Variants in SLC9A9 observed in about 807,000 individuals in gnomAD.
SLC9A9 encodes sodium/hydrogen exchanger 9.
A neutral mutation model predicts 77.8 loss-of-function variants in SLC9A9; 62 were observed. That is an observed-to-expected ratio of 0.80 (90% CI 0.65 to 0.98). SLC9A9 has a LOEUF of 0.98. Ranked by LOEUF, SLC9A9 falls within the 50% of genes least tolerant of loss-of-function variation. The pLI, the probability that SLC9A9 is intolerant of heterozygous loss-of-function variation, is 0.00. For synonymous variants in SLC9A9, 320 were observed against 283.5 expected (o/e 1.13, Z -1.29); for missense variants, 775 against 774.9 (o/e 1.00, Z 0.00).
intron 14 of SLC9A9, among the ~76,000 whole-genome samples, chr3:143,334,464 G>C (rs2031865105): frequency 6.6e-6 from 1 of 152,200 alleles, no homozygotes; most frequent in South Asian, 2.1e-4. Context: ...ATCTCATAAT[G>C]AATAGGAGTG....
At chr3:143,730,322 A>T (rs1350965845) in intron 4 of SLC9A9, among the ~76,000 whole-genome samples, 1 of 152,192 alleles carries the variant, frequency 6.6e-6, no homozygotes, top group Non-Finnish European at 1.5e-5. Context: ...ACAGGATCTA[A>T]ACAAAGTTAA....
At position 143,288,643 on chromosome 3, in the gene SLC9A9, C is replaced by T. The variant is rs562290225; in HGVS notation, c.1605-19663G>A. ...TATAGAGAGCAGATGCCTCCTCCTA[C>T]AGCACCATCTACCAAGCAGAGCCCT... On this transcript the variant is annotated intron_variant, in intron 14 of 15. Coordinates refer to ENST00000316549, the MANE Select transcript of SLC9A9 (RefSeq NM_173653.4). 3.3e-5 allele frequency among the ~76,000 whole-genome samples: 5 copies of T among 152,286 alleles called. No individual in the cohort carries two copies. In the South Asian group the frequency reaches 1.0e-3, roughly 32 times the overall value.
Position 143,268,898 on chromosome 3 carries a change from G to A in SLC9A9, c.1687C>T (p.Leu563Phe), listed in dbSNP as rs1371327768. ...ACCCCATAGGCTTGAGGACTGGTAA[G>A]CAGCCTGGAAATCGGACCACACCAT... ...PEWCGPISRL[L>F]TSPQAYGEQL... The change falls in exon 15 of 16, where the codon CTT becomes TTT. Residue 563 changes from leucine (L) to phenylalanine (F), a missense_variant. By Grantham distance (22) the Leu-to-Phe change is conservative (BLOSUM62 0). Transcript: ENST00000316549. 6.2e-7 allele frequency: 1 copy of A among 1,613,820 alleles called. No individual in the cohort carries two copies. The highest frequency in any genetic ancestry group is 1.1e-5 in the South Asian group (1 of 91,076).
At chr3:143,317,476 T>C (rs1348297174) in intron 14 of SLC9A9, among the ~76,000 whole-genome samples, 3 of 152,176 alleles carry the variant, frequency 2.0e-5, no homozygotes, top group Non-Finnish European at 2.9e-5. Flanking sequence ...TCCTCCTGAT[T>C]CCCACAGCAG....
chr3:143,359,368 G>C (rs1240244406), intron 14 of SLC9A9, among the ~76,000 whole-genome samples: 2 of 152,132 alleles, frequency 1.3e-5, no homozygotes, highest in African/African-American at 2.4e-5. Context: ...TCTGTGTCGG[G>C]TGGTGGTTAA....
intron 4 of SLC9A9, among the ~76,000 whole-genome samples, chr3:143,741,477 C>A (rs1485584366): frequency 6.6e-6 from 1 of 152,140 alleles, no homozygotes; most frequent in East Asian, 1.9e-4. Context: ...TGGTAAGAGA[C>A]AAATCTCTTT....
At chr3:143,581,440 A>G (rs149276939) in intron 6 of SLC9A9, among the ~76,000 whole-genome samples, 96 of 152,176 alleles carry the variant, frequency 6.3e-4, no homozygotes, top group African/African-American at 2.2e-3. Context: ...TAAGCAAGGC[A>G]TGTTTTGTTC....
intron 14 of SLC9A9, among the ~76,000 whole-genome samples, chr3:143,322,199 G>C (rs116070032): frequency 6.6e-6 from 1 of 152,140 alleles, no homozygotes; most frequent in Non-Finnish European, 1.5e-5. Context: ...TTTTCCGGGC[G>C]TGTCTGTGAG....
chr3:143,323,990 C>A (rs2031500087), intron 14 of SLC9A9, among the ~76,000 whole-genome samples: 1 of 151,808 alleles, frequency 6.6e-6, no homozygotes, highest in African/African-American at 2.4e-5. Flanking sequence ...TACTTTGTCC[C>A]AATGTATACA....
chr3:143,472,755 A>G (rs2035399665), intron 11 of SLC9A9, among the ~76,000 whole-genome samples: 1 of 152,276 alleles, frequency 6.6e-6, no homozygotes, highest in African/African-American at 2.4e-5. Flanking sequence ...TGATTCTTCA[A>G]TAATGTCTGG....
At chr3:143,751,894 A>G (rs918112866) in intron 4 of SLC9A9, among the ~76,000 whole-genome samples, 1 of 152,170 alleles carries the variant, frequency 6.6e-6, no homozygotes, top group African/African-American at 2.4e-5. Flanking sequence ...CACTGCGTTG[A>G]GTGGAGTGTG....
At chr3:143,499,307 T>C (rs1197371750) in intron 9 of SLC9A9, among the ~76,000 whole-genome samples, 1 of 152,214 alleles carries the variant, frequency 6.6e-6, no homozygotes, top group East Asian at 1.9e-4. Context: ...CATATATCCT[T>C]ATAATTATTT....
chr3:143,339,487 A>G (rs189910002), intron 14 of SLC9A9, among the ~76,000 whole-genome samples: 1 of 151,004 alleles, frequency 6.6e-6, no homozygotes. Context: ...TATGCAGTAG[A>G]TAGCATTCCT....
chr3:143,846,731 GT>G (rs5853133), intron 1 of SLC9A9, among the ~76,000 whole-genome samples: 10,249 of 145,966 alleles, frequency 0.07, 922 homozygotes, highest in African/African-American at 0.22. Flanking sequence ...GCAAAAAAAG[GT>G]TTTTTTTTTT....
chr3:143,487,193 G>T (rs1007120954), intron 11 of SLC9A9, among the ~76,000 whole-genome samples: 1 of 143,456 alleles, frequency 7.0e-6, no homozygotes, highest in Non-Finnish European at 1.6e-5. Context: ...ATTAATAAAA[G>T]TTCCAGTACT....
At chr3:143,417,454 G>T (rs898808492) in intron 12 of SLC9A9, among the ~76,000 whole-genome samples, 1 of 150,692 alleles carries the variant, frequency 6.6e-6, no homozygotes, top group Non-Finnish European at 1.5e-5. Flanking sequence ...TAAGAGAGAG[G>T]GAGGGGAAGA....
At chr3:143,753,282 T>C (rs1279424266) in intron 4 of SLC9A9, among the ~76,000 whole-genome samples, 1 of 152,194 alleles carries the variant, frequency 6.6e-6, no homozygotes, top group Non-Finnish European at 1.5e-5. Context: ...AAAGTGTCGA[T>C]GTATCACTTT....
chr3:143,634,270 A>T (rs998768133), intron 6 of SLC9A9, among the ~76,000 whole-genome samples: 1 of 152,100 alleles, frequency 6.6e-6, no homozygotes, highest in African/African-American at 2.4e-5. Flanking sequence ...TTTCGGGAGA[A>T]TATTGTTTTA....
intron 12 of SLC9A9, among the ~76,000 whole-genome samples, chr3:143,409,267 T>C (rs911304667): frequency 6.6e-6 from 1 of 152,164 alleles, no homozygotes; most frequent in African/African-American, 2.4e-5. Flanking sequence ...AGCACAAAAA[T>C]AGTTATCTGA....
Sources: gnomAD v4.1 joint callset for allele counts (sites outside exome capture counted in the v4.1 genomes callset) on GRCh38, gnomAD v4.1.1 for gene constraint, MANE v1.5 for transcripts, NCBI Gene and HGNC (gene_info 2026-07-23, HGNC 2026-07-21) for gene names.